The following TMEM108 variants were observed in gnomAD, a reference collection of about 807,000 sequenced individuals.
TMEM108 encodes the protein transmembrane protein 108.
TMEM108 carries 12 observed loss-of-function variants against 35.1 expected under a neutral mutation model. The ratio of observed to expected loss-of-function variants is 0.34; its 90% confidence interval spans 0.22 to 0.55. TMEM108 has a LOEUF of 0.55. Among genes scored for constraint, TMEM108 ranks in the 20% least tolerant of loss-of-function variants. The probability of loss-of-function intolerance (pLI) is 0.89; values close to 1 mark genes in which losing one functional copy is unlikely to be tolerated. For missense variants in TMEM108, 680 were observed against 753.3 expected (o/e 0.90, Z 1.14); for synonymous variants, 287 against 308.6 (o/e 0.93, Z 0.73).
chr3:133,356,877 G>A (rs747174781), intron 3 of TMEM108, among the ~76,000 whole-genome samples: 43 of 152,198 alleles, frequency 2.8e-4, no homozygotes, highest in African/African-American at 9.4e-4. Context: ...AGAAGATAAC[G>A]TTGGAAAATC....
chr3:133,324,074 T>C (rs922410030), intron 3 of TMEM108, among the ~76,000 whole-genome samples: 1 of 152,188 alleles, frequency 6.6e-6, no homozygotes, highest in Non-Finnish European at 1.5e-5. Flanking sequence ...ATAAAAATTA[T>C]AGAAGATAAC....
chr3:133,312,175 G>GCTACA (rs772677458), intron 3 of TMEM108, among the ~76,000 whole-genome samples: 3 of 152,220 alleles, frequency 2.0e-5, no homozygotes, highest in African/African-American at 4.8e-5. Flanking sequence ...TCCCAGTTAG[G>GCTACA]CTACACAGGG....
At chr3:133,147,795 T>C (rs1039055396) in intron 2 of TMEM108, among the ~76,000 whole-genome samples, 4 of 152,196 alleles carry the variant, frequency 2.6e-5, no homozygotes, top group Admixed American at 2.0e-4. Flanking sequence ...TTGCTTGAAA[T>C]CCTTGTCTGA....
chr3:133,073,700 T>C (rs886132391), intron 2 of TMEM108, among the ~76,000 whole-genome samples: 3 of 151,624 alleles, frequency 2.0e-5, no homozygotes, highest in Non-Finnish European at 4.4e-5. Flanking sequence ...TAGGATCATA[T>C]GGTAGTTCTA....
At chr3:133,285,904 T>C (rs1559892570) in intron 3 of TMEM108, among the ~76,000 whole-genome samples, 1 of 152,216 alleles carries the variant, frequency 6.6e-6, no homozygotes, top group Non-Finnish European at 1.5e-5. Context: ...TATTTTTGTA[T>C]TATAACTGGC....
At chr3:133,060,667 T>C (rs897121373) in intron 2 of TMEM108, among the ~76,000 whole-genome samples, 2 of 152,190 alleles carry the variant, frequency 1.3e-5, no homozygotes, top group African/African-American at 4.8e-5. Context: ...CTAGTATTTG[T>C]CCAACTTCTA....
chr3:133,073,508 CTCTA>C (rs1385433558), intron 2 of TMEM108, among the ~76,000 whole-genome samples: 26 of 68,978 alleles, frequency 3.8e-4, no homozygotes, highest in East Asian at 1.6e-3. Context: ...CTCTCTCTCT[CTCTA>C]TATATATATA....
At chr3:133,106,750 A>G (rs979172137) in intron 2 of TMEM108, among the ~76,000 whole-genome samples, 1 of 152,206 alleles carries the variant, frequency 6.6e-6, no homozygotes. Context: ...AGGACTATGC[A>G]AGATCCATCA....
chr3:133,091,318 C>T (rs540471294), intron 2 of TMEM108, among the ~76,000 whole-genome samples: 1 of 152,164 alleles, frequency 6.6e-6, no homozygotes, highest in African/African-American at 2.4e-5. Context: ...GGTAGGCTTC[C>T]CCAGTGAGTG....
intron 2 of TMEM108, among the ~76,000 whole-genome samples, chr3:133,088,210 A>G (rs542900097): frequency 6.6e-6 from 1 of 152,158 alleles, no homozygotes; most frequent in African/African-American, 2.4e-5. Flanking sequence ...AGGGAGCCTG[A>G]GAAGTGCATG....
intron 3 of TMEM108, among the ~76,000 whole-genome samples, chr3:133,332,754 T>G (rs947139282): frequency 1.3e-5 from 2 of 152,224 alleles, no homozygotes; most frequent in African/African-American, 4.8e-5. Flanking sequence ...TTCCTATCCT[T>G]TAAGTTGATC....
chr3:133,222,917 C>A (rs529255750), intron 2 of TMEM108, among the ~76,000 whole-genome samples: 2 of 151,996 alleles, frequency 1.3e-5, no homozygotes, highest in South Asian at 4.1e-4. Context: ...ACTTCCCAGA[C>A]GCAAGCAATA....
chr3:133,242,620 C>T (rs1576406146), intron 3 of TMEM108, among the ~76,000 whole-genome samples: 2 of 152,226 alleles, frequency 1.3e-5, no homozygotes, highest in Admixed American at 6.5e-5. Context: ...ACGTGATTCT[C>T]ATGCTCACAT....
At chr3:133,259,495 T>C (rs1421424971) in intron 3 of TMEM108, among the ~76,000 whole-genome samples, 2 of 152,242 alleles carry the variant, frequency 1.3e-5, no homozygotes, top group East Asian at 1.9e-4. Context: ...ATCCCCATTA[T>C]ACAGTTGAGG....
chr3:133,094,185 G>T (rs930940447), intron 2 of TMEM108, among the ~76,000 whole-genome samples: 9 of 150,720 alleles, frequency 6.0e-5, no homozygotes, highest in Non-Finnish European at 5.9e-5. Context: ...GAACCTCAAT[G>T]TGAGTCATTC....
chr3:133,182,594 A>T (rs1945363066), intron 2 of TMEM108, among the ~76,000 whole-genome samples: 1 of 152,214 alleles, frequency 6.6e-6, no homozygotes, highest in Non-Finnish European at 1.5e-5. Context: ...GTAACCTTAA[A>T]CATTGGCTTA....
intron 2 of TMEM108, chr3:133,124,954 C>T (rs921593614): frequency 6.6e-6 from 1 of 152,132 alleles, no homozygotes. Context: ...AGAAGCTAAA[C>T]ATGTGGGGAA....
At chr3:133,216,814 A>G (rs1341743761) in intron 2 of TMEM108, among the ~76,000 whole-genome samples, 1 of 152,072 alleles carries the variant, frequency 6.6e-6, no homozygotes, top group Non-Finnish European at 1.5e-5. Flanking sequence ...ATATACCACA[A>G]TTTCTTTAAC....
chr3:133,393,050 C>T (rs758727189), intron 5 of TMEM108, among the ~76,000 whole-genome samples: 2 of 152,204 alleles, frequency 1.3e-5, no homozygotes, highest in Non-Finnish European at 2.9e-5. Flanking sequence ...CACCTGAGCC[C>T]CCACCACACT....
Sources: gnomAD v4.1 joint callset for allele counts (sites outside exome capture counted in the v4.1 genomes callset) on GRCh38, gnomAD v4.1.1 for gene constraint, MANE v1.5 for transcripts, NCBI Gene and HGNC (gene_info 2026-07-23, HGNC 2026-07-21) for gene names.